Variants in PDGFC observed in about 807,000 individuals in gnomAD.
PDGFC encodes the protein platelet-derived growth factor C.
PDGFC carries 12 observed loss-of-function variants against 35.5 expected under a neutral mutation model. The observed-to-expected ratio is 0.34, with a 90% CI of 0.22 to 0.55. PDGFC has a LOEUF of 0.55. PDGFC is among the 20% of genes least tolerant of loss of function. The pLI, the probability that PDGFC is intolerant of heterozygous loss-of-function variation, is 0.91. For synonymous variants in PDGFC, 159 were observed against 148.8 expected (o/e 1.07, Z -0.50); for missense variants, 322 against 412.4 (o/e 0.78, Z 1.90).
intron 1 of PDGFC, among the ~76,000 whole-genome samples, chr4:156,865,102 A>G (rs990038556): frequency 3.4e-4 from 51 of 152,236 alleles, no homozygotes; most frequent in African/African-American, 1.2e-3. Context: ...ATGAAGGTTA[A>G]GAACCCTTTC....
chr4:156,813,689 T>C (rs1220521124), intron 2 of PDGFC, among the ~76,000 whole-genome samples: 1 of 152,134 alleles, frequency 6.6e-6, no homozygotes, highest in Non-Finnish European at 1.5e-5. Flanking sequence ...GAGGTCTTGG[T>C]ATTGCATGGT....
intron 2 of PDGFC, among the ~76,000 whole-genome samples, chr4:156,835,654 T>A (rs574086576): frequency 6.6e-6 from 1 of 152,204 alleles, no homozygotes; most frequent in African/African-American, 2.4e-5. Context: ...AAAATCCTAT[T>A]ATATTTTAAG....
chr4:156,800,195 G>A (rs917835833), intron 3 of PDGFC, among the ~76,000 whole-genome samples: 6 of 151,988 alleles, frequency 3.9e-5, no homozygotes, highest in Admixed American at 6.6e-5. Flanking sequence ...CCACCATAAG[G>A]CACACTTATT....
chr4:156,847,518 T>C (rs1187050120), intron 2 of PDGFC, among the ~76,000 whole-genome samples: 1 of 151,790 alleles, frequency 6.6e-6, no homozygotes, highest in Non-Finnish European at 1.5e-5. Flanking sequence ...ACATTACAAC[T>C]AAATGCAATG....
At chr4:156,883,215 T>C (rs1322874307) in intron 1 of PDGFC, among the ~76,000 whole-genome samples, 1 of 152,210 alleles carries the variant, frequency 6.6e-6, no homozygotes, top group African/African-American at 2.4e-5. Context: ...TGCTTTTCTA[T>C]AGTGTTATAT....
At chr4:156,803,961 C>A (rs1364907801) in intron 3 of PDGFC, among the ~76,000 whole-genome samples, 3 of 152,022 alleles carry the variant, frequency 2.0e-5, no homozygotes, top group Non-Finnish European at 4.4e-5. Flanking sequence ...GGGTAACAGA[C>A]ACTGACCGTT....
rs567973030 is a variant in PDGFC at position 156,837,383 on chromosome 4, T to C, written c.314+12838A>G. On this transcript the variant is annotated intron_variant, in intron 2 of 5. Transcript: ENST00000502773. ...ACAGAGTGAGACTCTGTCTCAGTAA[T>C]AATAACAATAATGCTAATTTGTGTT... 3.3e-5 allele frequency among the ~76,000 whole-genome samples: 5 copies of C among 151,832 alleles called. No individual in the cohort carries two copies. In the East Asian group the frequency reaches 9.7e-4, roughly 30 times the overall value.
At chr4:156,918,347 G>T (rs1178275151) in intron 1 of PDGFC, among the ~76,000 whole-genome samples, 1 of 152,186 alleles carries the variant, frequency 6.6e-6, no homozygotes, top group African/African-American at 2.4e-5. Context: ...CTAAAGATAT[G>T]CAACAAATAG....
chr4:156,839,375 GCA>G (rs1729143953), intron 2 of PDGFC, among the ~76,000 whole-genome samples: 1 of 152,066 alleles, frequency 6.6e-6, no homozygotes, highest in East Asian at 1.9e-4. Context: ...CTTTTGCTAG[GCA>G]CTTCTTCCTG....
chr4:156,908,842 C>A (rs920418889), intron 1 of PDGFC, among the ~76,000 whole-genome samples: 7 of 151,978 alleles, frequency 4.6e-5, no homozygotes, highest in Non-Finnish European at 7.4e-5. Context: ...ATCCAATGTC[C>A]AACTAATGAA....
chr4:156,929,803 T>A (rs1287148716), intron 1 of PDGFC, among the ~76,000 whole-genome samples: 2 of 152,236 alleles, frequency 1.3e-5, no homozygotes, highest in Non-Finnish European at 2.9e-5. Context: ...CATTCTTAAA[T>A]ATTTGATTTC....
chr4:156,966,826 A>G (rs1397828969), intron 1 of PDGFC, among the ~76,000 whole-genome samples: 1 of 152,184 alleles, frequency 6.6e-6, no homozygotes, highest in Non-Finnish European at 1.5e-5. Flanking sequence ...TACTTTCTAA[A>G]CACCTTTCAG....
intron 3 of PDGFC, among the ~76,000 whole-genome samples, chr4:156,810,344 C>A (rs889174189): frequency 6.6e-5 from 10 of 151,756 alleles, no homozygotes; most frequent in Non-Finnish European, 1.5e-5. Flanking sequence ...CATAATAAAA[C>A]TGATCAAAAT....
chr4:156,787,083 T>G (rs1221461784), intron 3 of PDGFC, among the ~76,000 whole-genome samples: 2 of 152,172 alleles, frequency 1.3e-5, no homozygotes, highest in East Asian at 3.8e-4. Context: ...CTAAAAGTCA[T>G]GAGACTGGAC....
chr4:156,906,042 A>G (rs968069476), intron 1 of PDGFC, among the ~76,000 whole-genome samples: 1 of 152,196 alleles, frequency 6.6e-6, no homozygotes, highest in Admixed American at 6.5e-5. Context: ...ATATACATTT[A>G]TAATCTATAC....
At chr4:156,870,653 G>A (rs989578488) in intron 1 of PDGFC, among the ~76,000 whole-genome samples, 4 of 151,036 alleles carry the variant, frequency 2.6e-5, no homozygotes, top group Admixed American at 6.7e-5. Context: ...TATTTAATAC[G>A]AAATACAGGA....
chr4:156,773,946 A>T (rs1036256845), intron 3 of PDGFC, among the ~76,000 whole-genome samples: 1 of 152,204 alleles, frequency 6.6e-6, no homozygotes, highest in African/African-American at 2.4e-5. Flanking sequence ...CATTCTCATT[A>T]CTTCCATCCT....
At chr4:156,763,287 A>G (rs1221218709) in intron 5 of PDGFC, 81 bp from the exon 6 acceptor site, 2 of 712,888 alleles carry the variant, frequency 2.8e-6, no homozygotes, top group Admixed American at 1.8e-5. Context: ...AACGTTTTAG[A>G]AAAGAATCTT....
At chr4:156,945,492 A>G (rs1731925710) in intron 1 of PDGFC, among the ~76,000 whole-genome samples, 1 of 150,956 alleles carries the variant, frequency 6.6e-6, no homozygotes, top group Non-Finnish European at 1.5e-5. Flanking sequence ...CAGAAAAAAT[A>G]TAGCTCCTAT....
Sources: allele counts gnomAD v4.1 joint callset (sites outside exome capture counted in the v4.1 genomes callset), GRCh38; gene constraint gnomAD v4.1.1; transcripts MANE v1.5; gene names NCBI Gene and HGNC (gene_info 2026-07-23, HGNC 2026-07-21).